The following RABGAP1L variants were observed in gnomAD, a reference collection of about 807,000 sequenced individuals.
RABGAP1L encodes rab GTPase-activating protein 1-like.
A neutral mutation model predicts 137.7 loss-of-function variants in RABGAP1L; 63 were observed. The observed-to-expected ratio is 0.46, with a 90% CI of 0.37 to 0.56. RABGAP1L has a LOEUF of 0.56. RABGAP1L is among the 20% of genes least tolerant of loss of function. The probability of loss-of-function intolerance (pLI) is 0.00; values close to 1 mark genes in which losing one functional copy is unlikely to be tolerated. For missense variants in RABGAP1L, 1,095 were observed against 1,244.0 expected (o/e 0.88, Z 1.80); for synonymous variants, 431 against 433.7 (o/e 0.99, Z 0.08).
At chr1:174,165,688 G>A (rs1357812358) in intron 1 of RABGAP1L, among the ~76,000 whole-genome samples, 4 of 151,694 alleles carry the variant, frequency 2.6e-5, no homozygotes, top group Admixed American at 6.6e-5. Flanking sequence ...TTGTAGAGAC[G>A]GGGTCTCATT....
chr1:174,601,494 C>T (rs761952984), intron 13 of RABGAP1L, among the ~76,000 whole-genome samples: 11 of 151,292 alleles, frequency 7.3e-5, no homozygotes, highest in Admixed American at 5.3e-4. Flanking sequence ...CGGGGCCTGT[C>T]GTGGGGTTGG....
rs1672155462 is a variant in RABGAP1L, at chr1:174,992,909, C to T, written c.*2908C>T. On this transcript the variant is annotated 3_prime_UTR_variant, in exon 26 of 26. Transcript: ENST00000681986. ...AGTTTCAAAACATTCTAGTGTTTTT[C>T]ATCCTTTGCTAGGATGCACTCTGTA... 2 of 152,178 alleles carry T rather than the reference C, an allele frequency of 1.3e-5. No individual in the cohort carries two copies. The highest frequency in any genetic ancestry group is 2.9e-5 in the Non-Finnish European group (2 of 68,022). The allele number at this position is 152,178 out of a possible 1,614,324, so 9.4% of individuals were successfully genotyped here.
At chr1:174,840,192 A>C (rs1169807527) in intron 19 of RABGAP1L, among the ~76,000 whole-genome samples, 1 of 152,188 alleles carries the variant, frequency 6.6e-6, no homozygotes, top group African/African-American at 2.4e-5. Context: ...GAGAATTGGC[A>C]AAAAATAAAT....
At chr1:174,739,163 G>A (rs1275734369) in intron 17 of RABGAP1L, among the ~76,000 whole-genome samples, 2 of 151,894 alleles carry the variant, frequency 1.3e-5, no homozygotes, top group Non-Finnish European at 2.9e-5. Context: ...CTCTTGCTTG[G>A]CTCCTAATAA....
At chr1:174,700,973 TCAG>T in intron 16 of RABGAP1L, 2 of 1,044,368 alleles carry the variant, frequency 1.9e-6, no homozygotes, top group Admixed American at 3.5e-5. Context: ...CAGTTTTTTT[TCAG>T]TTAACTGAAT....
intron 13 of RABGAP1L, among the ~76,000 whole-genome samples, chr1:174,420,836 G>A (rs533574969): frequency 2.6e-4 from 40 of 151,870 alleles, no homozygotes; most frequent in African/African-American, 8.4e-4. Context: ...CACCACGCCC[G>A]GCTAATTTTT....
intron 19 of RABGAP1L, among the ~76,000 whole-genome samples, chr1:174,886,301 C>T (rs906085155): frequency 4.6e-5 from 7 of 152,154 alleles, no homozygotes; most frequent in Admixed American, 3.9e-4. Context: ...CGTAAGCCAC[C>T]GCGCCTGGCG....
intron 19 of RABGAP1L, among the ~76,000 whole-genome samples, chr1:174,842,166 T>A (rs1365450689): frequency 6.6e-6 from 1 of 152,216 alleles, no homozygotes; most frequent in African/African-American, 2.4e-5. Context: ...AATTTTCCAC[T>A]TAGTCCATTT....
intron 19 of RABGAP1L, among the ~76,000 whole-genome samples, chr1:174,827,223 C>A (rs950372789): frequency 1.4e-4 from 22 of 152,132 alleles, no homozygotes; most frequent in African/African-American, 5.1e-4. Flanking sequence ...TAGCTCACTG[C>A]AATCTTGAAC....
rs534507214 is a variant in RABGAP1L at position 174,840,933 on chromosome 1, C to T, written c.2340+28973C>T. On this transcript the variant is annotated intron_variant, in intron 19 of 25. Coordinates refer to ENST00000681986, the MANE Select transcript of RABGAP1L (RefSeq NM_001366446.1). ...GAAAAAAGTAGAGATTATATCTTTA[C>T]TGTCAGACAAGATTGAATTTAGTGG... 7.4e-4 allele frequency among the ~76,000 whole-genome samples: 112 copies of T among 151,596 alleles called. 1 individual carries two copies. The highest frequency in any genetic ancestry group is 8.8e-4 in the Non-Finnish European group (60 of 67,914).
intron 9 of RABGAP1L, among the ~76,000 whole-genome samples, chr1:174,278,282 TG>T (rs1215356757): frequency 6.6e-6 from 1 of 152,072 alleles, no homozygotes; most frequent in Non-Finnish European, 1.5e-5. Context: ...GGCGGGCACC[TG>T]TAATCCCAGC....
At chr1:174,881,939 G>A (rs1158914400) in intron 19 of RABGAP1L, among the ~76,000 whole-genome samples, 1 of 152,028 alleles carries the variant, frequency 6.6e-6, no homozygotes, top group Non-Finnish European at 1.5e-5. Context: ...TCAGCTCACC[G>A]CTATCTCTGC....
chr1:174,500,733 A>G (rs977852702), intron 13 of RABGAP1L, among the ~76,000 whole-genome samples: 82 of 152,280 alleles, frequency 5.4e-4, no homozygotes, highest in African/African-American at 1.8e-3. Context: ...AGATATTATT[A>G]TCCATAATTT....
At chr1:174,657,611 A>G (rs1676057667) in intron 14 of RABGAP1L, among the ~76,000 whole-genome samples, 2 of 152,176 alleles carry the variant, frequency 1.3e-5, no homozygotes, top group Admixed American at 6.5e-5. Flanking sequence ...CATTTGGTAT[A>G]TATACCACAT....
At chr1:174,621,016 A>G (rs990573898) in intron 13 of RABGAP1L, among the ~76,000 whole-genome samples, 41 of 152,346 alleles carry the variant, frequency 2.7e-4, no homozygotes, top group African/African-American at 9.1e-4. Context: ...CCTCTACACA[A>G]ATAAACTAGA....
chr1:174,598,496 A>T (rs1026501029), intron 13 of RABGAP1L, among the ~76,000 whole-genome samples: 1 of 152,174 alleles, frequency 6.6e-6, no homozygotes, highest in Admixed American at 6.5e-5. Flanking sequence ...CAGTGCTGAA[A>T]GTGGTATGTT....
At chr1:174,684,093 A>G (rs1477374885) in intron 15 of RABGAP1L, among the ~76,000 whole-genome samples, 1 of 152,244 alleles carries the variant, frequency 6.6e-6, no homozygotes, top group Non-Finnish European at 1.5e-5. Flanking sequence ...ATAGTCCAGG[A>G]TGGGGCACAG....
intron 13 of RABGAP1L, among the ~76,000 whole-genome samples, chr1:174,552,562 G>T (rs1666619855): frequency 6.6e-6 from 1 of 151,958 alleles, no homozygotes. Flanking sequence ...TGGAAAGAAT[G>T]AGATAAAAAA....
chr1:174,961,658 A>G (rs1049353595), intron 20 of RABGAP1L, among the ~76,000 whole-genome samples: 1 of 151,896 alleles, frequency 6.6e-6, no homozygotes, highest in Non-Finnish European at 1.5e-5. Flanking sequence ...CAGCCTGGCC[A>G]ACATGGTGAA....
Sources: allele counts gnomAD v4.1 joint callset (sites outside exome capture counted in the v4.1 genomes callset), GRCh38; gene constraint gnomAD v4.1.1; transcripts MANE v1.5; gene names NCBI Gene and HGNC (gene_info 2026-07-23, HGNC 2026-07-21).